The following SPIN1 variants were observed in gnomAD, a reference collection of about 807,000 sequenced individuals.
SPIN1 encodes the protein spindlin 1.
Under a neutral mutation model 26.0 loss-of-function variants are expected in SPIN1, and 3 were observed. The observed-to-expected ratio is 0.12, with a 90% CI of 0.05 to 0.30. SPIN1 has a LOEUF of 0.30. Ranked by LOEUF, SPIN1 falls within the 10% of genes least tolerant of loss-of-function variation. The pLI, the probability that SPIN1 is intolerant of heterozygous loss-of-function variation, is 1.00. For synonymous variants in SPIN1, 101 were observed against 116.5 expected (o/e 0.87, Z 0.86); for missense variants, 126 against 333.4 (o/e 0.38, Z 4.84).
chr9:88,407,832 C>T (rs2117942416), intron 1 of SPIN1, among the ~76,000 whole-genome samples: 1 of 150,760 alleles, frequency 6.6e-6, no homozygotes, highest in South Asian at 2.1e-4. Context: ...ATGATCTCGA[C>T]TCACTGCACC....
intron 2 of SPIN1, among the ~76,000 whole-genome samples, chr9:88,436,919 T>C (rs2118074189): frequency 6.6e-6 from 1 of 151,442 alleles, no homozygotes; most frequent in South Asian, 2.1e-4. Context: ...CGCCCGCCAC[T>C]ACGCCCGGCT....
intron 2 of SPIN1, among the ~76,000 whole-genome samples, chr9:88,428,351 T>A (rs1285697828): frequency 6.6e-6 from 1 of 152,078 alleles, no homozygotes; most frequent in Non-Finnish European, 1.5e-5. Flanking sequence ...CCCTTTAGAG[T>A]CCCCGGTGTT....
At chr9:88,412,590 A>G (rs1040796377) in intron 1 of SPIN1, among the ~76,000 whole-genome samples, 3 of 152,314 alleles carry the variant, frequency 2.0e-5, no homozygotes, top group South Asian at 4.1e-4. Context: ...AACACAGTGA[A>G]TGAAATACAT....
At chr9:88,474,284 C>G (rs892828154) in intron 5 of SPIN1, among the ~76,000 whole-genome samples, 3 of 152,126 alleles carry the variant, frequency 2.0e-5, no homozygotes, top group Non-Finnish European at 2.9e-5. Context: ...CAAACCCCCT[C>G]TCTTTTTTTT....
At chr9:88,427,415 C>T (rs1234913643) in intron 2 of SPIN1, among the ~76,000 whole-genome samples, 1 of 151,926 alleles carries the variant, frequency 6.6e-6, no homozygotes, top group Non-Finnish European at 1.5e-5. Context: ...AAAGATAATA[C>T]TCATTTAAAT....
At chr9:88,425,145 T>G (rs2118018235) in intron 1 of SPIN1, among the ~76,000 whole-genome samples, 1 of 151,930 alleles carries the variant, frequency 6.6e-6, no homozygotes, top group Admixed American at 6.6e-5. Flanking sequence ...TCTGGAGAGG[T>G]TTGGGCAGGC....
At chr9:88,420,734 C>G (rs184240604) in intron 1 of SPIN1, among the ~76,000 whole-genome samples, 81 of 152,264 alleles carry the variant, frequency 5.3e-4, no homozygotes, top group Middle Eastern at 3.4e-3. Flanking sequence ...CTCTGGAGCC[C>G]TTTAGTCTTT....
At chr9:88,434,260 G>A (rs1827948809) in intron 2 of SPIN1, among the ~76,000 whole-genome samples, 2 of 150,808 alleles carry the variant, frequency 1.3e-5, no homozygotes, top group Non-Finnish European at 3.0e-5. Flanking sequence ...TGCATATTAT[G>A]GTTTAGTATA....
At chr9:88,464,320 A>G (rs990645479) in intron 4 of SPIN1, among the ~76,000 whole-genome samples, 3 of 152,048 alleles carry the variant, frequency 2.0e-5, no homozygotes, top group Non-Finnish European at 4.4e-5. Flanking sequence ...TTTGGCATCA[A>G]CCTACTTTAG....
chr9:88,455,082 A>C (rs1281294289), intron 3 of SPIN1, among the ~76,000 whole-genome samples: 1 of 152,246 alleles, frequency 6.6e-6, no homozygotes, highest in African/African-American at 2.4e-5. Context: ...TAAATGTAGG[A>C]ATTGCCATCC....
chr9:88,446,816 A>T (rs1215345506), intron 2 of SPIN1, among the ~76,000 whole-genome samples: 1 of 152,092 alleles, frequency 6.6e-6, no homozygotes, highest in Non-Finnish European at 1.5e-5. Flanking sequence ...CCTATATTTA[A>T]TGTATCCTCT....
At chr9:88,466,190 G>A (rs1245425127) in intron 4 of SPIN1, among the ~76,000 whole-genome samples, 1 of 151,838 alleles carries the variant, frequency 6.6e-6, no homozygotes, top group Non-Finnish European at 1.5e-5. Context: ...ACAGGATCTC[G>A]CTTTGTCACC....
intron 1 of SPIN1, among the ~76,000 whole-genome samples, chr9:88,394,063 G>A (rs898200518): frequency 6.6e-6 from 1 of 151,960 alleles, no homozygotes; most frequent in African/African-American, 2.4e-5. Context: ...TGGTCCAGCT[G>A]GTCTCAAACT....
At chr9:88,451,741 A>G (rs766598425) in intron 3 of SPIN1, among the ~76,000 whole-genome samples, 4 of 152,110 alleles carry the variant, frequency 2.6e-5, no homozygotes, top group Non-Finnish European at 4.4e-5. Flanking sequence ...TTGTATTTTT[A>G]GTATAGACAG....
Position 88,477,850 on chromosome 9 carries a change from C to CGTGT in SPIN1, c.*2577_*2580dup, listed in dbSNP as rs1201502271. On this transcript the variant is annotated 3_prime_UTR_variant, in exon 6 of 6. Coordinates refer to ENST00000375859, the MANE Select transcript of SPIN1 (RefSeq NM_006717.3). ...AGTATTATTGTATTGTGTGTGCGTGCGTGTGTGATGTCAGGCTGCCACGTA... is the reference window on the plus strand; with the variant it reads ...AGTATTATTGTATTGTGTGTGCGTGCGTGTGTGTGTGATGTCAGGCTGCCACGTA... 4 of 152,054 alleles carry CGTGT rather than the reference C, an allele frequency of 2.6e-5. No homozygotes were observed. The highest frequency in any genetic ancestry group is 7.3e-5 in the African/African-American group (3 of 41,352). The allele number at this position is 152,054 out of a possible 1,614,324, so 9.4% of individuals were successfully genotyped here. A position where few individuals can be genotyped will look rare whatever the true frequency, so the allele number is the denominator to read the frequency against.
chr9:88,443,479 G>T (rs1327102592), intron 2 of SPIN1, among the ~76,000 whole-genome samples: 1 of 152,200 alleles, frequency 6.6e-6, no homozygotes, highest in Non-Finnish European at 1.5e-5. Flanking sequence ...ACTCTTTAGA[G>T]ATTTAGCATA....
At chr9:88,395,055 G>A (rs528412561) in intron 1 of SPIN1, among the ~76,000 whole-genome samples, 7 of 151,814 alleles carry the variant, frequency 4.6e-5, no homozygotes, top group Non-Finnish European at 7.4e-5. Flanking sequence ...TGATCTGTCC[G>A]CCTCGGCCTG....
intron 1 of SPIN1, among the ~76,000 whole-genome samples, chr9:88,420,978 A>G (rs569846820): frequency 2.6e-5 from 4 of 152,260 alleles, no homozygotes; most frequent in South Asian, 4.1e-4. Context: ...TGCTCATTCT[A>G]TTTTATGGAA....
At chr9:88,394,620 C>G (rs1827013203) in intron 1 of SPIN1, among the ~76,000 whole-genome samples, 3 of 152,068 alleles carry the variant, frequency 2.0e-5, no homozygotes, top group Non-Finnish European at 4.4e-5. Flanking sequence ...TAATAAGCAA[C>G]TGTAGCTTTA....
Sources: gnomAD v4.1 joint callset for allele counts (sites outside exome capture counted in the v4.1 genomes callset) on GRCh38, gnomAD v4.1.1 for gene constraint, MANE v1.5 for transcripts, NCBI Gene and HGNC (gene_info 2026-07-23, HGNC 2026-07-21) for gene names.